ASIC2: variants seen among roughly 807,000 people sequenced by gnomAD.
ASIC2 encodes the protein acid sensing ion channel subunit 2.
ASIC2 carries 25 observed loss-of-function variants against 57.3 expected under a neutral mutation model. The ratio of observed to expected loss-of-function variants is 0.44; its 90% confidence interval spans 0.32 to 0.61. The LOEUF is 0.61. Ranked by LOEUF, ASIC2 falls within the 20% of genes least tolerant of loss-of-function variation. ASIC2 has a pLI of 0.06. For missense variants in ASIC2, 641 were observed against 738.1 expected (o/e 0.87, Z 1.52); for synonymous variants, 319 against 307.5 (o/e 1.04, Z -0.39).
At chr17:33,711,328 G>A (rs1909028228) in intron 1 of ASIC2, among the ~76,000 whole-genome samples, 1 of 152,158 alleles carries the variant, frequency 6.6e-6, no homozygotes, top group African/African-American at 2.4e-5. Flanking sequence ...ACTCATCATG[G>A]ATACGTGAGC....
At chr17:33,958,388 G>T (rs1449527509) in intron 1 of ASIC2, among the ~76,000 whole-genome samples, 1 of 152,176 alleles carries the variant, frequency 6.6e-6, no homozygotes. Flanking sequence ...CTCCATGAGG[G>T]CTCTGTCCCT....
At chr17:33,350,558 T>G (rs935589691) in intron 1 of ASIC2, among the ~76,000 whole-genome samples, 2 of 152,016 alleles carry the variant, frequency 1.3e-5, no homozygotes, top group African/African-American at 4.8e-5. Flanking sequence ...TGTGCGCACC[T>G]GTAGTCCCAG....
intron 1 of ASIC2, among the ~76,000 whole-genome samples, chr17:33,342,075 G>A (rs1907741083): frequency 6.6e-6 from 1 of 152,212 alleles, no homozygotes; most frequent in Admixed American, 6.5e-5. Flanking sequence ...AGAATGTGCT[G>A]TGAACAAACA....
intron 1 of ASIC2, among the ~76,000 whole-genome samples, chr17:34,067,271 A>G (rs8065302): frequency 0.17 from 26,637 of 152,216 alleles, 2,963 homozygotes; most frequent in African/African-American, 0.3. Flanking sequence ...AGGCCTGGGC[A>G]TGTACAAGTA....
chr17:33,941,472 G>A (rs944421857), intron 1 of ASIC2, among the ~76,000 whole-genome samples: 1 of 152,208 alleles, frequency 6.6e-6, no homozygotes, highest in Non-Finnish European at 1.5e-5. Flanking sequence ...TGGAGCCCAG[G>A]TGGCTCATCC....
At chr17:34,135,452 A>C (rs1411778308) in intron 1 of ASIC2, among the ~76,000 whole-genome samples, 1 of 152,150 alleles carries the variant, frequency 6.6e-6, no homozygotes, top group African/African-American at 2.4e-5. Flanking sequence ...AGTAGTTTTC[A>C]ATCTTGGCTG....
At chr17:33,547,238 A>G (rs1915606494) in intron 1 of ASIC2, among the ~76,000 whole-genome samples, 1 of 151,094 alleles carries the variant, frequency 6.6e-6, no homozygotes. Flanking sequence ...GTACCTAATG[A>G]CCATGGATGG....
intron 1 of ASIC2, among the ~76,000 whole-genome samples, chr17:33,839,252 G>C (rs1302452757): frequency 6.6e-6 from 1 of 152,162 alleles, no homozygotes; most frequent in African/African-American, 2.4e-5. Flanking sequence ...GATCTAAATA[G>C]AGTTACTGAC....
intron 1 of ASIC2, among the ~76,000 whole-genome samples, chr17:33,255,026 A>ATTTT (rs1909011228): frequency 4.8e-5 from 6 of 124,224 alleles, no homozygotes; most frequent in East Asian, 2.6e-4. Flanking sequence ...TTAGAAAGAA[A>ATTTT]TCTTTTTTTT....
intron 1 of ASIC2, among the ~76,000 whole-genome samples, chr17:33,253,914 C>T (rs1325539317): frequency 9.9e-5 from 15 of 152,124 alleles, no homozygotes; most frequent in Non-Finnish European, 1.5e-5. Flanking sequence ...AGGCTCTCTA[C>T]AATTAAACCA....
At chr17:33,974,094 G>T (rs896280397) in intron 1 of ASIC2, among the ~76,000 whole-genome samples, 1 of 151,982 alleles carries the variant, frequency 6.6e-6, no homozygotes, top group Non-Finnish European at 1.5e-5. Flanking sequence ...TGGGAAATGG[G>T]ACGATTCTGT....
chr17:33,331,939 T>G (rs1907328817), intron 1 of ASIC2, among the ~76,000 whole-genome samples: 1 of 152,228 alleles, frequency 6.6e-6, no homozygotes, highest in South Asian at 2.1e-4. Context: ...GTGGAGCTTT[T>G]GAAAAATAGG....
At chr17:33,714,983 A>AGTTTTTT (rs1208427039) in intron 1 of ASIC2, among the ~76,000 whole-genome samples, 21 of 99,284 alleles carry the variant, frequency 2.1e-4, no homozygotes, top group African/African-American at 1.1e-3. Flanking sequence ...ATGCCAGGCT[A>AGTTTTTT]ATTTATTATT....
At chr17:33,841,576 C>T (rs1337288009) in intron 1 of ASIC2, among the ~76,000 whole-genome samples, 1 of 152,192 alleles carries the variant, frequency 6.6e-6, no homozygotes, top group Non-Finnish European at 1.5e-5. Context: ...GAAAATGCCA[C>T]TTTACACAGT....
chr17:33,608,286 G>A (rs569984887), intron 1 of ASIC2, among the ~76,000 whole-genome samples: 2 of 152,108 alleles, frequency 1.3e-5, no homozygotes, highest in East Asian at 1.9e-4. Context: ...CTGAGAGGTC[G>A]AGTAGTAGAA....
intron 1 of ASIC2, among the ~76,000 whole-genome samples, chr17:33,723,149 A>G (rs1044649777): frequency 2.0e-5 from 3 of 152,214 alleles, no homozygotes. Context: ...AGAAAAATAC[A>G]TAAATCGATT....
chr17:33,039,590 T>A (rs2091922402), intron 3 of ASIC2, among the ~76,000 whole-genome samples: 1 of 152,202 alleles, frequency 6.6e-6, no homozygotes, highest in African/African-American at 2.4e-5. Flanking sequence ...CATGTTAAAG[T>A]ATGTGTAACC....
chr17:34,102,244 C>T (rs1327109554), intron 1 of ASIC2, among the ~76,000 whole-genome samples: 1 of 152,080 alleles, frequency 6.6e-6, no homozygotes, highest in African/African-American at 2.4e-5. Flanking sequence ...GCACTAGAAT[C>T]GCCTGATCCC....
At chr17:33,785,486 G>A (rs1288238668) in intron 1 of ASIC2, among the ~76,000 whole-genome samples, 2 of 152,152 alleles carry the variant, frequency 1.3e-5, no homozygotes, top group African/African-American at 4.8e-5. Flanking sequence ...CCCAAGTCAT[G>A]GCTGGAATGT....
Sources: allele counts gnomAD v4.1 joint callset (sites outside exome capture counted in the v4.1 genomes callset), GRCh38; gene constraint gnomAD v4.1.1; transcripts MANE v1.5; gene names NCBI Gene and HGNC (gene_info 2026-07-23, HGNC 2026-07-21).